Variants in RAB11FIP1 observed in about 807,000 individuals in gnomAD.
RAB11FIP1 encodes the protein rab11 family-interacting protein 1.
In RAB11FIP1, 49 loss-of-function variants were observed where a neutral mutation model predicts 83.1. The observed-to-expected ratio is 0.59, with a 90% CI of 0.47 to 0.75. The LOEUF (loss-of-function observed/expected upper bound fraction) is 0.75. Ranked by LOEUF, RAB11FIP1 falls within the 30% of genes least tolerant of loss-of-function variation. RAB11FIP1 has a pLI of 0.00. For synonymous variants in RAB11FIP1, 670 were observed against 656.0 expected (o/e 1.02, Z -0.33); for missense variants, 1,536 against 1,598.7 (o/e 0.96, Z 0.67).
At chr8:37,894,711 CAT>C (rs1008699497) in intron 1 of RAB11FIP1, among the ~76,000 whole-genome samples, 10 of 145,060 alleles carry the variant, frequency 6.9e-5, no homozygotes, top group African/African-American at 2.1e-4. Flanking sequence ...CATATATATA[CAT>C]ATATATATAC....
intron 1 of RAB11FIP1, among the ~76,000 whole-genome samples, chr8:37,895,891 C>A (rs1420324582): frequency 6.6e-6 from 1 of 152,192 alleles, no homozygotes; most frequent in Non-Finnish European, 1.5e-5. Flanking sequence ...GACACACACA[C>A]ACACACACAC....
chr8:37,869,909 C>T (rs944191972), intron 5 of RAB11FIP1, among the ~76,000 whole-genome samples: 1 of 151,856 alleles, frequency 6.6e-6, no homozygotes, highest in Non-Finnish European at 1.5e-5. Flanking sequence ...AATAATGTTA[C>T]CAAAAAAGTA....
chr8:37,878,359 C>A (rs1222671518), intron 1 of RAB11FIP1, among the ~76,000 whole-genome samples: 1 of 149,824 alleles, frequency 6.7e-6, no homozygotes, highest in South Asian at 2.1e-4. Flanking sequence ...ATGGTGAAAC[C>A]CCATCTCTAC....
In RAB11FIP1 at chr8:37,899,484, C is replaced by A; in HGVS notation, c.-43G>T. ...AGAAGCGAGGAGAAGATCGCCGCGACTGGCGGCCTCCACGGCCCGCCCCGG... is the reference window on the plus strand; with the variant it reads ...AGAAGCGAGGAGAAGATCGCCGCGAATGGCGGCCTCCACGGCCCGCCCCGG... On this transcript the variant is annotated 5_prime_UTR_variant, in exon 1 of 6. Transcript: ENST00000330843. This position sits in a 1 kb window ranked among gnomAD's most constrained non-coding sequence, Gnocchi z 4.5. 1.3e-6 allele frequency: 2 copies of A among 1,484,342 alleles called. No homozygotes were observed. The highest frequency in any genetic ancestry group is 1.4e-5 in the South Asian group (1 of 73,146). 91.9% of individuals were successfully genotyped at this position (1,484,342 alleles called of 1,614,324 possible).
intron 1 of RAB11FIP1, among the ~76,000 whole-genome samples, chr8:37,879,147 A>C (rs889174701): frequency 1.3e-5 from 2 of 152,016 alleles, no homozygotes; most frequent in East Asian, 1.9e-4. Context: ...GTCTCTACTA[A>C]AAATACAAAA....
chr8:37,871,644 T>G lies in RAB11FIP1; in HGVS notation c.3158A>C (p.Lys1053Thr). The change falls in exon 4 of 6, where the codon AAA becomes ACA. Residue 1053 changes from lysine (K) to threonine (T), a missense_variant. Transcript: ENST00000330843. The part of the protein sequence containing the change: ...SEQTTEFGIH[K>T]PHLGKSSSLD... ...GCTTGAGCTCTTGCCAAGATGTGGT[T>G]TGTGAATTCCGAACTCTGTGGTCTG... 6.2e-7 allele frequency: 1 copy of G among 1,611,342 alleles called. No individual in the cohort carries two copies. Among genetic ancestry groups the G allele is most frequent in the Non-Finnish European group, 8.5e-7 (1 of 1,177,960 alleles).
At chr8:37,888,047 G>A (rs1468616349) in intron 1 of RAB11FIP1, among the ~76,000 whole-genome samples, 5 of 152,098 alleles carry the variant, frequency 3.3e-5, no homozygotes, top group Non-Finnish European at 5.9e-5. Context: ...GCATTTGAAG[G>A]GAACAGAAAT....
chr8:37,874,481 A>G, intron 3 of RAB11FIP1, 34 bp downstream of exon 3: 1 of 1,572,536 alleles, frequency 6.4e-7, no homozygotes, highest in South Asian at 1.1e-5. Context: ...ATGGCAAGGC[A>G]GAAATGCCCT....
At position 37,862,208 on chromosome 8, in the gene RAB11FIP1, G is replaced by A. The variant is rs571652529; in HGVS notation, c.*687C>T. On this transcript the variant is annotated 3_prime_UTR_variant, in exon 6 of 6. Coordinates refer to ENST00000330843, the MANE Select transcript of RAB11FIP1 (RefSeq NM_001002814.3). ...CTACTTTTCCTATCTCCAGTAGAAG[G>A]GCCCTGGATCTAAGCAGAAGGTATT... 1.4e-4 allele frequency: 22 copies of A among 152,328 alleles called. No individual in the cohort carries two copies. The highest frequency in any genetic ancestry group is 5.1e-4 in the African/African-American group (21 of 41,400). 9.4% of individuals were successfully genotyped at this position (152,328 alleles called of 1,614,324 possible).
intron 1 of RAB11FIP1, among the ~76,000 whole-genome samples, chr8:37,878,746 T>G (rs913185634): frequency 2.7e-5 from 4 of 149,548 alleles, no homozygotes; most frequent in South Asian, 4.2e-4. Context: ...ACACCTGTAA[T>G]CCCAGAGATT....
intron 1 of RAB11FIP1, among the ~76,000 whole-genome samples, chr8:37,891,004 A>G (rs1806938018): frequency 6.6e-6 from 1 of 152,136 alleles, no homozygotes; most frequent in Non-Finnish European, 1.5e-5. Flanking sequence ...GCATTTATTG[A>G]GCCCCTACGC....
At chr8:37,865,881 T>C (rs1758266047) in intron 5 of RAB11FIP1, among the ~76,000 whole-genome samples, 1 of 152,208 alleles carries the variant, frequency 6.6e-6, no homozygotes. Context: ...CTCTAAGTAC[T>C]TCCTTAAGAT....
In RAB11FIP1 at chr8:37,874,709, T is replaced by C. The variant is rs1422290629; in HGVS notation, c.1428A>G (p.Ala476=). 5 of 1,614,160 alleles carry C rather than the reference T, an allele frequency of 3.1e-6. No homozygotes were observed. The African/African-American group carries it at 5.3e-5, about 17-fold the overall frequency. Reference sequence around the variant, plus strand: ...TCACAAGGTCTTCAGCAGGCCCCGATGCGTCCTCCCCCGGCTTAACCCCCA... The same window carrying C: ...TCACAAGGTCTTCAGCAGGCCCCGACGCGTCCTCCCCCGGCTTAACCCCCA... ...MLMGVKPGED[A]SGPAEDLVRR... Residue 476 remains alanine (A), a synonymous_variant, in exon 3 of 6, where the codon GCA becomes GCG. Coordinates refer to ENST00000330843, the MANE Select transcript of RAB11FIP1 (RefSeq NM_001002814.3).
chr8:37,871,196 T>C (rs1443488169), intron 4 of RAB11FIP1, 82 bp downstream of exon 4: 2 of 1,505,572 alleles, frequency 1.3e-6, no homozygotes, highest in East Asian at 4.6e-5. Context: ...GTCTGTGTGG[T>C]TAGAAAGCCG....
Position 37,871,907 on chromosome 8 carries a change from G to C in RAB11FIP1, c.2895C>G (p.Val965=). ...GATCTATTCTTTCATCATCCGATGC[G>C]ACTTCAGGAATGGAAGGAAGGCTTA... ...LNLSLPSIPE[V]ASDDERIDQV... is the part of the protein sequence containing the mutation. Residue 965 remains valine (V), a synonymous_variant, in exon 4 of 6, where the codon GTC becomes GTG. Transcript: ENST00000330843. 6.2e-7 allele frequency: 1 copy of C among 1,614,144 alleles called. No homozygotes were observed. The highest frequency in any genetic ancestry group is 1.6e-4 in the Middle Eastern group (1 of 6,062).
At chr8:37,876,643 G>C (rs919874831) in intron 2 of RAB11FIP1, among the ~76,000 whole-genome samples, 4 of 150,630 alleles carry the variant, frequency 2.7e-5, no homozygotes, top group African/African-American at 9.8e-5. Flanking sequence ...AACAGAGAGG[G>C]CATTTTTTTT....
chr8:37,871,544 AG>A lies in RAB11FIP1; in HGVS notation c.3257del (p.Pro1086LeufsTer94), dbSNP rs750378928. The stretch of plus-strand genomic sequence containing the variant: ...CAGGATTGTCCAGGGATGTGCCAGG[AG>A]GCGGGCTTGGACTCCCATTTCCCAT... ...KPMGNGSPSP[P>X]PGTSLDNPVP... On this transcript the variant is annotated frameshift_variant, in exon 4 of 6. Coordinates refer to ENST00000330843, the MANE Select transcript of RAB11FIP1 (RefSeq NM_001002814.3). LOFTEE classifies it high-confidence loss of function. The A allele has an allele frequency of 6.2e-7, 1 of 1,602,090 alleles. No individual in the cohort carries two copies. The highest frequency in any genetic ancestry group is 2.2e-5 in the East Asian group (1 of 44,686).
chr8:37,872,204 C>T lies in RAB11FIP1; in HGVS notation c.2598G>A (p.Ser866=), dbSNP rs762746324. 11 of 1,614,062 alleles carry T rather than the reference C, an allele frequency of 6.8e-6. No homozygotes were observed. The East Asian group carries it at 1.1e-4, about 16-fold the overall frequency. Residue 866 remains serine (S), a synonymous_variant, in exon 4 of 6, where the codon TCG becomes TCA. Transcript: ENST00000330843. ...SPHAEDSERE[S]VTTPGPATCG... is the part of the protein sequence containing the mutation. Reference sequence around the variant, plus strand: ...ACGTCGCTGGCCCAGGTGTGGTCACCGATTCCCTTTCTGAGTCCTCTGCGT... The same window carrying T: ...ACGTCGCTGGCCCAGGTGTGGTCACTGATTCCCTTTCTGAGTCCTCTGCGT...
chr8:37,872,216 T>C lies in RAB11FIP1; in HGVS notation c.2586A>G (p.Ser862=). ...EPPESPHAED[S]ERESVTTPGP... Reference sequence around the variant, plus strand: ...CAGGTGTGGTCACCGATTCCCTTTCTGAGTCCTCTGCGTGGGGAGACTCAG... The same window carrying C: ...CAGGTGTGGTCACCGATTCCCTTTCCGAGTCCTCTGCGTGGGGAGACTCAG... The change falls in exon 4 of 6, where the codon TCA becomes TCG. Residue 862 remains serine (S), a synonymous_variant. Transcript: ENST00000330843. 6.2e-7 allele frequency: 1 copy of C among 1,614,124 alleles called. No individual in the cohort carries two copies. Among genetic ancestry groups the C allele is most frequent in the Non-Finnish European group, 8.5e-7 (1 of 1,179,998 alleles).
Sources: allele counts gnomAD v4.1 joint callset (sites outside exome capture counted in the v4.1 genomes callset), GRCh38; gene constraint gnomAD v4.1.1; non-coding constraint Gnocchi (gnomAD v3.1); transcripts MANE v1.5; gene names NCBI Gene and HGNC (gene_info 2026-07-23, HGNC 2026-07-21).